The following LNX2 variants were observed in gnomAD, a reference collection of about 807,000 sequenced individuals.
LNX2 encodes the protein ligand of Numb protein X 2.
Under a neutral mutation model 66.2 loss-of-function variants are expected in LNX2, and 35 were observed. That is an observed-to-expected ratio of 0.53 (90% CI 0.40 to 0.70). LNX2 has a LOEUF of 0.70. Among genes scored for constraint, LNX2 ranks in the 30% least tolerant of loss-of-function variants. LNX2 has a pLI of 0.00. For missense variants in LNX2, 791 were observed against 850.8 expected (o/e 0.93, Z 0.87); for synonymous variants, 337 against 315.6 (o/e 1.07, Z -0.72).
intron 1 of LNX2, among the ~76,000 whole-genome samples, chr13:27,587,882 A>T (rs184091195): frequency 6.6e-6 from 1 of 152,042 alleles, no homozygotes; most frequent in Admixed American, 6.5e-5. Flanking sequence ...TTAGCCGGGC[A>T]TGGTGGCGAG....
At chr13:27,548,572 C>T (rs1387542668) in intron 9 of LNX2, 102 bp from the exon 10 acceptor site, 59 of 1,194,456 alleles carry the variant, frequency 4.9e-5, no homozygotes, top group Non-Finnish European at 6.8e-5. Context: ...TCACTTACCA[C>T]TGAACTGTCA....
chr13:27,562,371 C>T, intron 5 of LNX2, 42 bp downstream of exon 5: 1 of 1,565,420 alleles, frequency 6.4e-7, no homozygotes, highest in Non-Finnish European at 8.6e-7. Flanking sequence ...ACTATATGAT[C>T]ATTTCGGCCA....
intron 1 of LNX2, among the ~76,000 whole-genome samples, chr13:27,583,552 G>A (rs1005169330): frequency 3.3e-5 from 5 of 151,976 alleles, no homozygotes; most frequent in Non-Finnish European, 4.4e-5. Context: ...CACCATGCCC[G>A]GCCCTCCAAT....
intron 4 of LNX2, among the ~76,000 whole-genome samples, chr13:27,564,384 C>G (rs920551895): frequency 1.5e-4 from 22 of 147,916 alleles, no homozygotes; most frequent in African/African-American, 5.5e-4. Flanking sequence ...TATCAATCAA[C>G]AGCTGTAATT....
At chr13:27,548,634 TG>T (rs1159059421) in intron 9 of LNX2, among the ~76,000 whole-genome samples, 164 bp from the exon 10 acceptor site, 2 of 152,252 alleles carry the variant, frequency 1.3e-5, no homozygotes, top group Non-Finnish European at 2.9e-5. Context: ...AAGCCTATGC[TG>T]GCTTTCCCTT....
chr13:27,549,635 A>G (rs933367883), intron 9 of LNX2, among the ~76,000 whole-genome samples: 1 of 152,358 alleles, frequency 6.6e-6, no homozygotes, highest in East Asian at 1.9e-4. Flanking sequence ...GATAATAAAG[A>G]AACTTACCTC....
At chr13:27,617,247 G>A (rs1955837646) in intron 1 of LNX2, among the ~76,000 whole-genome samples, 1 of 152,152 alleles carries the variant, frequency 6.6e-6, no homozygotes, top group South Asian at 2.1e-4. Flanking sequence ...GTCAATTTAG[G>A]TAGGCCTGCC....
At chr13:27,615,874 G>A (rs977860639) in intron 1 of LNX2, among the ~76,000 whole-genome samples, 1 of 152,016 alleles carries the variant, frequency 6.6e-6, no homozygotes, top group African/African-American at 2.4e-5. Context: ...CAAAGATTTG[G>A]AGAAGTCTGT....
At position 27,545,980 on chromosome 13, in the gene LNX2, C is replaced by A. The variant is rs1011764851; in HGVS notation, c.*2355G>T. 3 of 152,092 alleles carry A rather than the reference C, an allele frequency of 2.0e-5. No individual in the cohort carries two copies. Among genetic ancestry groups the A allele is most frequent in the African/African-American group, 7.2e-5 (3 of 41,412 alleles). 9.4% of individuals were successfully genotyped at this position (152,092 alleles called of 1,614,324 possible). A position where few individuals can be genotyped will look rare whatever the true frequency, so the allele number is the denominator to read the frequency against. On this transcript the variant is annotated 3_prime_UTR_variant, in exon 10 of 10. Coordinates refer to ENST00000316334, the MANE Select transcript of LNX2 (RefSeq NM_153371.4). ...ACCATTATTTAAACATCTGAAAAAT[C>A]CTGAAATAATTTAAACTGAAGGCAC...
chr13:27,587,924 G>C (rs1236524958), intron 1 of LNX2, among the ~76,000 whole-genome samples: 1 of 151,422 alleles, frequency 6.6e-6, no homozygotes, highest in African/African-American at 2.4e-5. Flanking sequence ...AGGAGGCTGA[G>C]GCAGAAGAAT....
At chr13:27,593,447 C>T (rs1204531195) in intron 1 of LNX2, among the ~76,000 whole-genome samples, 1 of 152,072 alleles carries the variant, frequency 6.6e-6, no homozygotes, top group African/African-American at 2.4e-5. Flanking sequence ...ACTAGTTTCA[C>T]TGTGGTTATG....
intron 7 of LNX2, 144 bp downstream of exon 7, chr13:27,556,091 CT>C: frequency 1.3e-6 from 1 of 763,062 alleles, no homozygotes. Context: ...CATAGAATGA[CT>C]TTATGCTTCC....
intron 1 of LNX2, among the ~76,000 whole-genome samples, chr13:27,583,191 T>A (rs1483557744): frequency 4.3e-4 from 4 of 9,398 alleles, no homozygotes; most frequent in African/African-American, 3.4e-4. Flanking sequence ...TGTGTGTGTG[T>A]GTGTGTGTGT....
intron 2 of LNX2, among the ~76,000 whole-genome samples, chr13:27,569,848 A>G (rs2138363373): frequency 6.6e-6 from 1 of 152,334 alleles, no homozygotes; most frequent in South Asian, 2.1e-4. Context: ...AAAGAAAAAT[A>G]TGCCTCCTAG....
At chr13:27,581,185 AC>A (rs902166897) in intron 2 of LNX2, 111 bp downstream of exon 2, 2 of 695,574 alleles carry the variant, frequency 2.9e-6, no homozygotes, top group African/African-American at 3.6e-5. Context: ...TACTTGATTC[AC>A]CCATTTACTT....
intron 1 of LNX2, among the ~76,000 whole-genome samples, chr13:27,597,154 T>C (rs1337894829): frequency 1.3e-5 from 2 of 152,216 alleles, no homozygotes; most frequent in Non-Finnish European, 2.9e-5. Context: ...CTTTTGTAGA[T>C]GGCTAACTTC....
intron 8 of LNX2, among the ~76,000 whole-genome samples, chr13:27,551,603 T>TA (rs1955008570): frequency 1.3e-5 from 2 of 151,484 alleles, no homozygotes; most frequent in African/African-American, 2.4e-5. Context: ...AAATCCATAA[T>TA]AAAATAATAA....
intron 2 of LNX2, among the ~76,000 whole-genome samples, chr13:27,575,420 CATAAAGT>C (rs1955331710): frequency 1.3e-5 from 2 of 152,282 alleles, no homozygotes; most frequent in East Asian, 1.9e-4. Flanking sequence ...CAGTGGACTC[CATAAAGT>C]ATAAAGTAGA....
At chr13:27,560,307 T>C (rs1028898879) in intron 5 of LNX2, among the ~76,000 whole-genome samples, 10 of 152,120 alleles carry the variant, frequency 6.6e-5, no homozygotes, top group Admixed American at 6.5e-4. Flanking sequence ...AATACTTCTT[T>C]GCATCTTCAA....
Sources: allele counts gnomAD v4.1 joint callset (sites outside exome capture counted in the v4.1 genomes callset), GRCh38; gene constraint gnomAD v4.1.1; transcripts MANE v1.5; gene names NCBI Gene and HGNC (gene_info 2026-07-23, HGNC 2026-07-21).